The following SLC25A17 variants were observed in gnomAD, a reference collection of about 807,000 sequenced individuals.
SLC25A17 encodes peroxisomal membrane protein PMP34.
In SLC25A17, 26 loss-of-function variants were observed where a neutral mutation model predicts 38.5. The ratio of observed to expected loss-of-function variants is 0.68; its 90% CI spans 0.50 to 0.94. SLC25A17 has a LOEUF of 0.94. Among genes scored for constraint, SLC25A17 ranks in the 40% least tolerant of loss-of-function variants. The probability of loss-of-function intolerance (pLI) is 0.00; values close to 1 mark genes in which losing one functional copy is unlikely to be tolerated. For missense variants in SLC25A17, 333 were observed against 372.7 expected (o/e 0.89, Z 0.88); for synonymous variants, 139 against 136.2 (o/e 1.02, Z -0.14).
At chr22:40,814,405 T>A (rs1376079987) in intron 1 of SLC25A17, among the ~76,000 whole-genome samples, 1 of 152,138 alleles carries the variant, frequency 6.6e-6, no homozygotes, top group Non-Finnish European at 1.5e-5. Context: ...TTCCTCACCC[T>A]TTTCTCTTGA....
At position 40,807,698 on chromosome 22, in the gene SLC25A17, G is replaced by A. The variant is rs185496318; in HGVS notation, c.55-8615C>T. The stretch of plus-strand genomic sequence containing the variant: ...CGGGAGGCGGAACTTGCAGTGAGCC[G>A]AGATCGCGCCACTGCACTCCAGACT... On this transcript the variant is annotated intron_variant, in intron 1 of 8. Coordinates refer to ENST00000435456, the MANE Select transcript of SLC25A17 (RefSeq NM_006358.4). Among the ~76,000 whole-genome samples, 676 of 152,220 alleles carry A rather than the reference G, an allele frequency of 4.4e-3. 8 individuals are homozygous for A. Among genetic ancestry groups the A allele is most frequent in the Non-Finnish European group, 7.6e-3 (519 of 68,022 alleles).
chr22:40,777,155 C>A lies in SLC25A17; in HGVS notation c.598-20G>T. The A allele has an allele frequency of 1.2e-6, 2 of 1,613,850 alleles. No individual in the cohort carries two copies. Among genetic ancestry groups the A allele is most frequent in the South Asian group, 1.1e-5 (1 of 91,068 alleles). ...AGAAAGCTGGAAAGCAAAGGAAGAA[C>A]AAACCATATCAATCAAGTCAACAAG... On this transcript the variant is annotated intron_variant, in intron 6 of 8. Coordinates refer to ENST00000435456, the MANE Select transcript of SLC25A17 (RefSeq NM_006358.4).
intron 7 of SLC25A17, among the ~76,000 whole-genome samples, chr22:40,774,955 G>A (rs977357314): frequency 2.6e-5 from 4 of 151,876 alleles, no homozygotes; most frequent in Non-Finnish European, 2.9e-5. Flanking sequence ...CCTCTCCAGT[G>A]CCACCACCGT....
intron 1 of SLC25A17, chr22:40,813,831 T>C (rs546391317): frequency 1.3e-5 from 2 of 152,458 alleles, no homozygotes; most frequent in Non-Finnish European, 2.9e-5. Context: ...ATAGTATCTG[T>C]TAGTAGTAGA....
intron 4 of SLC25A17, chr22:40,780,266 T>C (rs1344764857): frequency 2.0e-5 from 3 of 152,242 alleles, no homozygotes; most frequent in Admixed American, 1.3e-4. Flanking sequence ...GATATTTTGC[T>C]GCCTATCTCT....
intron 8 of SLC25A17, among the ~76,000 whole-genome samples, chr22:40,773,011 G>A (rs2057200934): frequency 6.6e-6 from 1 of 152,044 alleles, no homozygotes. Context: ...AGTTATAAGA[G>A]CTTTTGCTTC....
intron 1 of SLC25A17, among the ~76,000 whole-genome samples, chr22:40,800,450 G>A (rs932655527): frequency 6.6e-6 from 1 of 152,172 alleles, no homozygotes; most frequent in African/African-American, 2.4e-5. Flanking sequence ...CTAGGCTCCA[G>A]TGCAGTGGCG....
In SLC25A17 at chr22:40,779,056, T is replaced by A. The variant is rs2057272274; in HGVS notation, c.404A>T (p.Lys135Ile). The change falls in exon 5 of 9, where the codon AAA (lysine) becomes ATA (isoleucine). Residue 135 changes from lysine (K) to isoleucine (I), a missense_variant. By Grantham distance (102) the Lys-to-Ile change is moderately radical (BLOSUM62 -3). Coordinates refer to ENST00000435456, the MANE Select transcript of SLC25A17 (RefSeq NM_006358.4). ...TGGTACAATGTCTTCATTCCTAAAT[T>A]TTGCTCCTTGAAGCTTCAGTCTGGT... ...VNTRLKLQGA[K>I]FRNEDIVPTN... The A allele has an allele frequency of 6.2e-7, 1 of 1,614,056 alleles. No homozygotes were observed. The highest frequency in any genetic ancestry group is 1.3e-5 in the African/African-American group (1 of 74,934).
intron 1 of SLC25A17, among the ~76,000 whole-genome samples, chr22:40,803,282 TTAAC>T (rs1425199294): frequency 6.6e-6 from 1 of 152,122 alleles, no homozygotes; most frequent in Non-Finnish European, 1.5e-5. Context: ...TTTGTACCCT[TTAAC>T]TAACCTCTCC....
chr22:40,777,885 T>C (rs1163705735), intron 5 of SLC25A17, among the ~76,000 whole-genome samples: 1 of 152,180 alleles, frequency 6.6e-6, no homozygotes, highest in South Asian at 2.1e-4. Flanking sequence ...CACCAAGTTA[T>C]TGAGAGACCA....
chr22:40,792,135 C>CA (rs941806081), intron 4 of SLC25A17, among the ~76,000 whole-genome samples: 16 of 150,808 alleles, frequency 1.1e-4, no homozygotes, highest in Admixed American at 2.6e-4. Flanking sequence ...AAGCCAGTCA[C>CA]AAAAAAAACA....
intron 1 of SLC25A17, among the ~76,000 whole-genome samples, chr22:40,806,111 T>A (rs545440815): frequency 8.5e-5 from 13 of 152,290 alleles, no homozygotes; most frequent in South Asian, 4.1e-4. Flanking sequence ...ACCATTATCA[T>A]ATTTTGCCAG....
chr22:40,795,533 A>G (rs1429409358), intron 2 of SLC25A17, among the ~76,000 whole-genome samples: 1 of 150,366 alleles, frequency 6.7e-6, no homozygotes, highest in Non-Finnish European at 1.5e-5. Flanking sequence ...CTCGTGATCC[A>G]CCCGTCTTGG....
At chr22:40,809,413 G>A (rs1020607455) in intron 1 of SLC25A17, among the ~76,000 whole-genome samples, 2 of 151,438 alleles carry the variant, frequency 1.3e-5, no homozygotes, top group Non-Finnish European at 2.9e-5. Context: ...CCAGGAGTTC[G>A]AGACCAGCCT....
intron 1 of SLC25A17, among the ~76,000 whole-genome samples, chr22:40,803,058 G>A (rs1003424061): frequency 6.6e-6 from 1 of 152,018 alleles, no homozygotes; most frequent in East Asian, 1.9e-4. Flanking sequence ...CCTGAAATAC[G>A]CACGACATTG....
chr22:40,801,141 A>T (rs1602617701), intron 1 of SLC25A17, among the ~76,000 whole-genome samples: 1 of 75,296 alleles, frequency 1.3e-5, no homozygotes, highest in African/African-American at 6.6e-5. Flanking sequence ...ATATATATAT[A>T]TATATATATA....
At chr22:40,781,950 G>A (rs1008163819) in intron 4 of SLC25A17, among the ~76,000 whole-genome samples, 3 of 152,072 alleles carry the variant, frequency 2.0e-5, no homozygotes, top group East Asian at 1.9e-4. Flanking sequence ...GGCCGGGTGC[G>A]GTTGCTCACG....
intron 7 of SLC25A17, 119 bp from the exon 8 acceptor site, chr22:40,774,138 C>A: frequency 1.7e-6 from 1 of 602,548 alleles, no homozygotes; most frequent in Non-Finnish European, 3.0e-6. Flanking sequence ...TAAATTTATC[C>A]AATTAGTACC....
At chr22:40,803,007 TC>T (rs1237802224) in intron 1 of SLC25A17, among the ~76,000 whole-genome samples, 1 of 152,238 alleles carries the variant, frequency 6.6e-6, no homozygotes, top group East Asian at 1.9e-4. Context: ...AAACATCATT[TC>T]TTTGTGGTGA....
Sources: allele counts gnomAD v4.1 joint callset (sites outside exome capture counted in the v4.1 genomes callset), GRCh38; gene constraint gnomAD v4.1.1; transcripts MANE v1.5; gene names NCBI Gene and HGNC (gene_info 2026-07-23, HGNC 2026-07-21).